Variants in ANKFY1 observed in about 807,000 individuals in gnomAD.
ANKFY1 encodes ankyrin repeat and FYVE domain-containing protein 1.
Under a neutral mutation model 128.3 loss-of-function variants are expected in ANKFY1, and 47 were observed. That is an observed-to-expected ratio of 0.37 (90% CI 0.29 to 0.47). ANKFY1 has a LOEUF of 0.47. Ranked by LOEUF, ANKFY1 falls within the 20% of genes least tolerant of loss-of-function variation. The pLI is 1.00. For synonymous variants in ANKFY1, 553 were observed against 601.6 expected (o/e 0.92, Z 1.18); for missense variants, 1,222 against 1,510.6 (o/e 0.81, Z 3.17).
At chr17:4,195,569 G>A (rs754013098) in intron 8 of ANKFY1, 98 bp from the exon 9 acceptor site, 51 of 876,102 alleles carry the variant, frequency 5.8e-5, no homozygotes, top group Admixed American at 1.3e-4. Context: ...ATCACCACCC[G>A]CAAGAAATCC....
rs141610963 is a variant in ANKFY1 at position 4,259,925 on chromosome 17, T to C, written c.10+4007A>G. Among the ~76,000 whole-genome samples, 136 of 152,188 alleles carry C rather than the reference T, an allele frequency of 8.9e-4. 1 individual carries two copies. Among genetic ancestry groups the C allele is most frequent in the African/African-American group, 2.7e-3 (114 of 41,496 alleles). ...ACACTGAGTGAATAAAGTGGGTCAGTTGTGTGGAGAAACAGCGGAGGACTG... is the reference window on the plus strand; with the variant it reads ...ACACTGAGTGAATAAAGTGGGTCAGCTGTGTGGAGAAACAGCGGAGGACTG... On this transcript the variant is annotated intron_variant, in intron 1 of 24. Transcript: ENST00000341657.
At chr17:4,177,553 C>T (rs559632031) in intron 18 of ANKFY1, among the ~76,000 whole-genome samples, 4 of 152,332 alleles carry the variant, frequency 2.6e-5, no homozygotes, top group Non-Finnish European at 5.9e-5. Flanking sequence ...GCCACTGTGG[C>T]AGCCTCCTGT....
At chr17:4,192,879 A>T (rs1285757296) in intron 10 of ANKFY1, among the ~76,000 whole-genome samples, 1 of 152,192 alleles carries the variant, frequency 6.6e-6, no homozygotes, top group Non-Finnish European at 1.5e-5. Flanking sequence ...TAAAAAAATA[A>T]AAATTAAAAA....
chr17:4,244,809 C>T (rs1301560760), intron 1 of ANKFY1, among the ~76,000 whole-genome samples: 1 of 152,122 alleles, frequency 6.6e-6, no homozygotes. Context: ...CATCAACCAC[C>T]CCATCTCCGA....
intron 2 of ANKFY1, 81 bp from the exon 3 acceptor site, chr17:4,235,971 A>G: frequency 1.0e-6 from 1 of 962,058 alleles, no homozygotes; most frequent in Admixed American, 1.9e-5. Flanking sequence ...TGATAAACAC[A>G]TGAGTATTCA....
At chr17:4,186,889 C>T in intron 11 of ANKFY1, 1 of 1,060,214 alleles carries the variant, frequency 9.4e-7, no homozygotes, top group East Asian at 6.4e-5. Context: ...GTTAGACATC[C>T]CTACCTTAAA....
chr17:4,175,131 G>A (rs372795455), intron 19 of ANKFY1, among the ~76,000 whole-genome samples: 5 of 151,196 alleles, frequency 3.3e-5, no homozygotes, highest in Non-Finnish European at 5.9e-5. Context: ...CCAGAAGTTC[G>A]AGACCAACCC....
rs1329204553 is a variant in ANKFY1, at chr17:4,181,251, G to T, written c.2240+3C>A. The T allele has an allele frequency of 6.2e-7, 1 of 1,612,258 alleles. No homozygotes were observed. Among genetic ancestry groups the T allele is most frequent in the Non-Finnish European group, 8.5e-7 (1 of 1,178,332 alleles). ...TGTGGAGAGATACTGGGGACTCTCA[G>T]ACCTGCGAATAAGAAAGCAGGCGGT... On this transcript the variant is annotated splice_donor_region_variant and intron_variant, in intron 16 of 24. Coordinates refer to ENST00000341657, the MANE Select transcript of ANKFY1 (RefSeq NM_001330063.2). The surrounding 1 kb of genome is among the most constrained non-coding windows in gnomAD (Gnocchi z 4.9).
At chr17:4,172,511 A>G in intron 22 of ANKFY1, 45 bp downstream of exon 22, 2 of 1,588,670 alleles carry the variant, frequency 1.3e-6, no homozygotes, top group African/African-American at 1.3e-5. Flanking sequence ...TCCAGGAAGC[A>G]AGGTGCGCAA....
chr17:4,232,235 C>T (rs1247961129), intron 3 of ANKFY1, among the ~76,000 whole-genome samples: 1 of 152,182 alleles, frequency 6.6e-6, no homozygotes, highest in African/African-American at 2.4e-5. Flanking sequence ...CACCTGTTTA[C>T]AAGAACCTAT....
rs201067606 is a variant in ANKFY1, at chr17:4,194,220, G to A, written c.1372+758C>T. Among the ~76,000 whole-genome samples the A allele has an allele frequency of 4.7e-4, 70 of 147,736 alleles. No individual in the cohort carries two copies. In the East Asian group the frequency reaches 0.012, roughly 26 times the overall value. On this transcript the variant is annotated intron_variant, in intron 10 of 24. Transcript: ENST00000341657. The stretch of plus-strand genomic sequence containing the variant: ...GCCTCCCAGTTTCAAGCGATTCTCC[G>A]GCCTTTCCTGAGTAGCTGGGATGAC...
rs1156889101 is a variant in ANKFY1, at chr17:4,169,390, C to T, written c.3287-102G>A. ...GAACACAGACCCGTAAGTGAGGCAG[C>T]GCTGCCACATGACATAGGTGACGAA... On this transcript the variant is annotated intron_variant, in intron 23 of 24. Coordinates refer to ENST00000341657, the MANE Select transcript of ANKFY1 (RefSeq NM_001330063.2). This position sits in a 1 kb window ranked among gnomAD's most constrained non-coding sequence, Gnocchi z 5.0. The T allele has an allele frequency of 9.6e-6, 8 of 832,492 alleles. No homozygotes were observed. Among genetic ancestry groups the T allele is most frequent in the African/African-American group, 5.1e-5 (3 of 59,042 alleles). 51.6% of individuals were successfully genotyped at this position (832,492 alleles called of 1,614,324 possible).
intron 1 of ANKFY1, among the ~76,000 whole-genome samples, chr17:4,257,426 C>G (rs920637732): frequency 6.6e-6 from 1 of 152,154 alleles, no homozygotes; most frequent in African/African-American, 2.4e-5. Context: ...AAATGCTGAA[C>G]CAATGCCCTT....
At chr17:4,189,584 C>T in intron 10 of ANKFY1, 105 bp from the exon 11 acceptor site, 1 of 1,013,680 alleles carries the variant, frequency 9.9e-7, no homozygotes, top group South Asian at 1.5e-5. Context: ...CAAGCCCACG[C>T]CAGACAGTAG....
At chr17:4,241,444 G>C (rs183781637) in intron 2 of ANKFY1, among the ~76,000 whole-genome samples, 1 of 151,534 alleles carries the variant, frequency 6.6e-6, no homozygotes, top group Non-Finnish European at 1.5e-5. Context: ...CATGCGCGGC[G>C]AATTTTTTAT....
chr17:4,179,937 T>G, intron 16 of ANKFY1, 60 bp from the exon 17 acceptor site: 10 of 1,582,572 alleles, frequency 6.3e-6, no homozygotes, highest in Admixed American at 1.7e-5. Flanking sequence ...ATAGGCATGC[T>G]GATTACAAAT....
intron 4 of ANKFY1, 92 bp downstream of exon 4, chr17:4,216,891 A>T: frequency 1.5e-5 from 23 of 1,555,446 alleles, no homozygotes; most frequent in Non-Finnish European, 2.0e-5. Flanking sequence ...AGTTATTTAC[A>T]TTAGCAGAAG....
intron 1 of ANKFY1, among the ~76,000 whole-genome samples, chr17:4,259,001 A>G (rs1968269396): frequency 6.6e-6 from 1 of 152,120 alleles, no homozygotes; most frequent in Non-Finnish European, 1.5e-5. Flanking sequence ...TTTAGAGGAG[A>G]CTCAAGAGAA....
intron 10 of ANKFY1, 95 bp downstream of exon 10, chr17:4,194,883 C>A: frequency 8.9e-7 from 1 of 1,119,262 alleles, no homozygotes; most frequent in South Asian, 1.3e-5. Context: ...CATAGTATGC[C>A]GTTCAGTTTC....
Sources: allele counts gnomAD v4.1 joint callset (sites outside exome capture counted in the v4.1 genomes callset), GRCh38; gene constraint gnomAD v4.1.1; non-coding constraint Gnocchi (gnomAD v3.1); transcripts MANE v1.5; gene names NCBI Gene and HGNC (gene_info 2026-07-23, HGNC 2026-07-21).